CFAP20DC: variants seen among roughly 807,000 people sequenced by gnomAD.
CFAP20DC encodes the protein protein CFAP20DC.
Under a neutral mutation model 101.7 loss-of-function variants are expected in CFAP20DC, and 84 were observed. The ratio of observed to expected loss-of-function variants is 0.83; its 90% CI spans 0.69 to 0.99. The LOEUF (loss-of-function observed/expected upper bound fraction) is 0.99, where lower values mean the gene tolerates loss of function less well. Among genes scored for constraint, CFAP20DC ranks in the 50% least tolerant of loss-of-function variants. The pLI is 0.00. For synonymous variants in CFAP20DC, 359 were observed against 351.2 expected, an observed-to-expected ratio of 1.02 and a Z score of -0.25; for missense variants, 1,007 against 970.3, an observed-to-expected ratio of 1.04 and a Z score of -0.50.
At chr3:58,817,601 A>G (rs1247039037) in intron 14 of CFAP20DC, among the ~76,000 whole-genome samples, 1 of 143,712 alleles carries the variant, frequency 7.0e-6, no homozygotes. Flanking sequence ...AAAAGAATAA[A>G]AAGAAATGAG....
chr3:58,852,023 C>A (rs1210226919), intron 12 of CFAP20DC, among the ~76,000 whole-genome samples: 1 of 152,146 alleles, frequency 6.6e-6, no homozygotes, highest in African/African-American at 2.4e-5. Flanking sequence ...TCCAGAAAGT[C>A]AACAGCAAAA....
rs551992163 is a variant in CFAP20DC at position 58,749,013 on chromosome 3, G to A, written c.2332+4756C>T. Among the ~76,000 whole-genome samples, 3 of 152,256 alleles carry A rather than the reference G, an allele frequency of 2.0e-5. No homozygotes were observed. In the South Asian group the frequency reaches 6.2e-4, roughly 32 times the overall value. ...TTCCAAACAGTGCCGGGTACACAATGGTGCTTTATTAATGCTGGCTTATTA... is the reference window on the plus strand; with the variant it reads ...TTCCAAACAGTGCCGGGTACACAATAGTGCTTTATTAATGCTGGCTTATTA... On this transcript the variant is annotated intron_variant, in intron 16 of 16. Coordinates refer to ENST00000482387, the MANE Select transcript of CFAP20DC (RefSeq NM_001394063.1).
rs188590117 is a variant in CFAP20DC, at chr3:58,790,281, G to A, written c.2237+16114C>T. On this transcript the variant is annotated intron_variant, in intron 15 of 16. Coordinates refer to ENST00000482387, the MANE Select transcript of CFAP20DC (RefSeq NM_001394063.1). ...CCATATGAATGGAATCATACAATAT[G>A]TATTTATTCTCAGTTGTATATCTTT... is the stretch of plus-strand genomic sequence containing the variant. 5.3e-5 allele frequency among the ~76,000 whole-genome samples: 8 copies of A among 152,262 alleles called. No homozygotes were observed. In the East Asian group the frequency reaches 1.5e-3, roughly 29 times the overall value.
intron 5 of CFAP20DC, among the ~76,000 whole-genome samples, chr3:58,927,686 G>A (rs1293983772): frequency 6.6e-6 from 1 of 152,174 alleles, no homozygotes; most frequent in Non-Finnish European, 1.5e-5. Flanking sequence ...TATTCTACTA[G>A]TTCCTAAGGG....
rs148771831 is a variant in CFAP20DC at position 58,742,683 on chromosome 3, A to C, written c.2333-111T>G. 5.2e-4 allele frequency: 335 copies of C among 649,296 alleles called. 3 individuals are homozygous for C. In the East Asian group the frequency reaches 9.0e-3, roughly 17 times the overall value. The allele number at this position is 649,296 out of a possible 1,614,324, so 40.2% of individuals were successfully genotyped here. On this transcript the variant is annotated intron_variant, in intron 16 of 16. Transcript: ENST00000482387. ...CTCTCCTGGGGGATTTTCTTTATGC[A>C]GGTAGAAGGTTTAGGCCTGAAGGAA...
chr3:58,816,647 G>A (rs534485451), intron 14 of CFAP20DC, among the ~76,000 whole-genome samples: 8 of 152,286 alleles, frequency 5.3e-5, no homozygotes, highest in Admixed American at 1.3e-4. Flanking sequence ...CTACGCCCAC[G>A]GAATCTTGCT....
chr3:58,889,001 ACT>A (rs1491514292), intron 6 of CFAP20DC, among the ~76,000 whole-genome samples: 1 of 145,244 alleles, frequency 6.9e-6, no homozygotes, highest in African/African-American at 2.5e-5. Flanking sequence ...TTTTTTTTTT[ACT>A]TTTTTTTTTA....
chr3:58,964,663 T>A lies in CFAP20DC; in HGVS notation c.279-26901A>T, dbSNP rs1345605518. On this transcript the variant is annotated intron_variant, in intron 4 of 16. Transcript: ENST00000482387. This position sits in a 1 kb window ranked among gnomAD's most constrained non-coding sequence, Gnocchi z 4.1. ...ACTTACTAATAATAATTTGAACTAC[T>A]TATTTACATATTTTTGGTTTTGTGT... is the stretch of plus-strand genomic sequence containing the variant. Among the ~76,000 whole-genome samples, 1 of 152,254 alleles carries A rather than the reference T, an allele frequency of 6.6e-6. No individual in the cohort carries two copies. The highest frequency in any genetic ancestry group is 1.5e-5 in the Non-Finnish European group (1 of 68,048).
intron 4 of CFAP20DC, among the ~76,000 whole-genome samples, chr3:58,991,783 C>T (rs56095994): frequency 0.018 from 2,725 of 152,238 alleles, 68 homozygotes; most frequent in African/African-American, 0.061. Context: ...AATCCTCTAG[C>T]CCCTGTTCAC....
chr3:58,819,907 A>G (rs1357026153), intron 14 of CFAP20DC, among the ~76,000 whole-genome samples: 1 of 145,760 alleles, frequency 6.9e-6, no homozygotes, highest in Non-Finnish European at 1.5e-5. Flanking sequence ...AATACTGGCA[A>G]AACGAATCCA....
chr3:58,854,780 C>G (rs868393442), intron 12 of CFAP20DC, among the ~76,000 whole-genome samples: 2,617 of 149,786 alleles, frequency 0.017, 26 homozygotes, highest in Non-Finnish European at 0.026. Context: ...ACTGGCTAGC[C>G]ATATGTAGAA....
chr3:58,975,994 GCACCAGGTAATGCTA>G (rs1029142694), intron 4 of CFAP20DC, among the ~76,000 whole-genome samples: 1 of 152,190 alleles, frequency 6.6e-6, no homozygotes, highest in Admixed American at 6.5e-5. Context: ...TGAAAGAGGA[GCACCAGGTAATGCTA>G]CACCTCAAAG....
chr3:58,824,665 G>C (rs905944094), intron 14 of CFAP20DC: 3 of 152,160 alleles, frequency 2.0e-5, no homozygotes, highest in African/African-American at 7.2e-5. Context: ...TAACTTGTCT[G>C]AGAACCTCAC....
intron 13 of CFAP20DC, among the ~76,000 whole-genome samples, chr3:58,843,439 G>A (rs1229330224): frequency 4.6e-5 from 7 of 151,876 alleles, no homozygotes; most frequent in Non-Finnish European, 7.4e-5. Flanking sequence ...TGAATGAAAT[G>A]AAGCGAGAAG....
intron 15 of CFAP20DC, among the ~76,000 whole-genome samples, chr3:58,761,517 T>G (rs1051934057): frequency 6.6e-6 from 1 of 152,190 alleles, no homozygotes; most frequent in Non-Finnish European, 1.5e-5. Context: ...TTTGAAGGGT[T>G]TTTTGTGTCT....
chr3:58,814,974 C>A (rs2074993190), intron 14 of CFAP20DC, among the ~76,000 whole-genome samples: 1 of 151,112 alleles, frequency 6.6e-6, no homozygotes, highest in South Asian at 2.1e-4. Flanking sequence ...ATCAAGCTAC[C>A]AATGACTTTC....
intron 4 of CFAP20DC, among the ~76,000 whole-genome samples, chr3:59,037,009 C>T (rs1453041773): frequency 6.6e-6 from 1 of 152,000 alleles, no homozygotes; most frequent in African/African-American, 2.4e-5. Flanking sequence ...TTTGACAAAC[C>T]TGACAAAAAC....
At chr3:58,816,085 C>A (rs1559636414) in intron 14 of CFAP20DC, among the ~76,000 whole-genome samples, 1 of 151,744 alleles carries the variant, frequency 6.6e-6, no homozygotes, top group Non-Finnish European at 1.5e-5. Flanking sequence ...GCATTATTCA[C>A]AATAGCAAAG....
chr3:58,810,809 T>C (rs1353106381), intron 14 of CFAP20DC, among the ~76,000 whole-genome samples: 14 of 151,610 alleles, frequency 9.2e-5, no homozygotes, highest in African/African-American at 1.5e-4. Context: ...AAAACCCCAT[T>C]GTCTCAGTCC....
Sources: gnomAD v4.1 joint callset for allele counts (sites outside exome capture counted in the v4.1 genomes callset) on GRCh38, gnomAD v4.1.1 for gene constraint, Gnocchi (gnomAD v3.1) non-coding constraint, MANE v1.5 for transcripts, NCBI Gene and HGNC (gene_info 2026-07-23, HGNC 2026-07-21) for gene names.